Variants in RORA observed in about 807,000 individuals in gnomAD.
The protein encoded by RORA is nuclear receptor ROR-alpha.
A neutral mutation model predicts 69.5 loss-of-function variants in RORA; 7 were observed. The observed-to-expected ratio is 0.10, with a 90% confidence interval of 0.06 to 0.19. The LOEUF (loss-of-function observed/expected upper bound fraction) is 0.19, where lower values mean the gene tolerates loss of function less well. Ranked by LOEUF, RORA falls within the 10% of genes least tolerant of loss-of-function variation. The pLI is 1.00. For missense variants in RORA, 457 were observed against 663.0 expected (o/e 0.69, Z 3.41); for synonymous variants, 261 against 240.8 (o/e 1.08, Z -0.78).
At chr15:60,996,678 AGGTG>A (rs1894549240) in intron 1 of RORA, among the ~76,000 whole-genome samples, 1 of 152,156 alleles carries the variant, frequency 6.6e-6, no homozygotes, top group Non-Finnish European at 1.5e-5. Context: ...TAGGAGGCTG[AGGTG>A]GGTGGATCAC....
At chr15:60,638,672 G>GA (rs1463577456) in intron 2 of RORA, among the ~76,000 whole-genome samples, 1 of 152,038 alleles carries the variant, frequency 6.6e-6, no homozygotes, top group African/African-American at 2.4e-5. Flanking sequence ...ATGAAGTTAT[G>GA]AAAAAACTAC....
At chr15:61,188,472 T>C (rs1365850153) in intron 1 of RORA, among the ~76,000 whole-genome samples, 3 of 152,090 alleles carry the variant, frequency 2.0e-5, no homozygotes, top group Non-Finnish European at 4.4e-5. Flanking sequence ...TCTGCAAAAC[T>C]GGAGGGAATA....
intron 1 of RORA, among the ~76,000 whole-genome samples, chr15:61,135,655 AT>A (rs976970717): frequency 1.3e-5 from 2 of 151,306 alleles, no homozygotes; most frequent in Non-Finnish European, 2.9e-5. Flanking sequence ...GTACATCCTT[AT>A]CCCCCTGCAG....
At chr15:60,604,313 G>A (rs1052868632) in intron 2 of RORA, among the ~76,000 whole-genome samples, 7 of 152,076 alleles carry the variant, frequency 4.6e-5, no homozygotes, top group African/African-American at 1.4e-4. Context: ...GCCAATGACC[G>A]CATACCCAGT....
At chr15:60,829,921 C>T (rs1041868160) in intron 1 of RORA, among the ~76,000 whole-genome samples, 1 of 152,184 alleles carries the variant, frequency 6.6e-6, no homozygotes, top group African/African-American at 2.4e-5. Flanking sequence ...GTGACCTAGG[C>T]TTTACTTAGT....
chr15:61,035,557 G>A (rs547517196), intron 1 of RORA, among the ~76,000 whole-genome samples: 16 of 152,240 alleles, frequency 1.1e-4, no homozygotes, highest in African/African-American at 3.9e-4. Flanking sequence ...GGGAGGTTGT[G>A]GGCCCCTGGG....
chr15:60,696,148 T>C (rs948045538), intron 1 of RORA, among the ~76,000 whole-genome samples: 2 of 152,228 alleles, frequency 1.3e-5, no homozygotes, highest in African/African-American at 4.8e-5. Context: ...GAGCACTTTC[T>C]TTTCCTCACG....
intron 1 of RORA, among the ~76,000 whole-genome samples, chr15:61,225,927 A>G (rs955996725): frequency 2.0e-5 from 3 of 152,098 alleles, no homozygotes; most frequent in African/African-American, 7.2e-5. Flanking sequence ...GAGTGACACC[A>G]GCTATCATTA....
chr15:60,523,266 TTAATG>T (rs2066237720), intron 3 of RORA, among the ~76,000 whole-genome samples: 1 of 152,204 alleles, frequency 6.6e-6, no homozygotes, highest in South Asian at 2.1e-4. Flanking sequence ...TTCTTAGTCA[TTAATG>T]TAAACAAAAT....
intron 2 of RORA, among the ~76,000 whole-genome samples, chr15:60,532,573 C>T (rs16942709): frequency 0.047 from 7,194 of 152,142 alleles, 607 homozygotes; most frequent in African/African-American, 0.17. Context: ...TGCTGGAAGA[C>T]CCGCAAATAA....
At chr15:60,889,461 G>A (rs1189793752) in intron 1 of RORA, among the ~76,000 whole-genome samples, 1 of 152,216 alleles carries the variant, frequency 6.6e-6, no homozygotes, top group Non-Finnish European at 1.5e-5. Flanking sequence ...AGGCTTCACT[G>A]CCTTGCAGAC....
chr15:60,526,021 G>A (rs1331077490), intron 3 of RORA, among the ~76,000 whole-genome samples: 1 of 152,136 alleles, frequency 6.6e-6, no homozygotes, highest in Non-Finnish European at 1.5e-5. Context: ...TAAAATTAAA[G>A]TTGGGTGGGG....
intron 3 of RORA, among the ~76,000 whole-genome samples, chr15:60,515,915 T>A (rs1362596366): frequency 4.0e-5 from 3 of 75,834 alleles, no homozygotes; most frequent in African/African-American, 2.6e-4. Flanking sequence ...TATATTGTAT[T>A]TATATATATA....
intron 1 of RORA, among the ~76,000 whole-genome samples, chr15:60,919,216 T>A (rs1891967422): frequency 1.3e-5 from 2 of 152,274 alleles, no homozygotes; most frequent in African/African-American, 4.8e-5. Flanking sequence ...TCACTGGATA[T>A]CACTGGGCAT....
At chr15:60,724,868 A>G (rs2071337308) in intron 1 of RORA, among the ~76,000 whole-genome samples, 1 of 152,176 alleles carries the variant, frequency 6.6e-6, no homozygotes, top group Non-Finnish European at 1.5e-5. Context: ...CCACCCTCCC[A>G]GAGAGGTGCT....
chr15:61,025,025 C>T (rs191364371), intron 1 of RORA, among the ~76,000 whole-genome samples: 10 of 152,220 alleles, frequency 6.6e-5, no homozygotes, highest in Admixed American at 6.5e-4. Flanking sequence ...GGCAAAAGTG[C>T]CCCAAGGTTT....
In RORA at chr15:60,527,554, AAAC is replaced by A. The variant is rs2066400997; in HGVS notation, c.282+4209_282+4211del. 1.3e-5 allele frequency among the ~76,000 whole-genome samples: 2 copies of A among 152,224 alleles called. 1 individual carries two copies. The highest frequency in any genetic ancestry group is 4.1e-4 in the South Asian group (2 of 4,830). ...CCCTCATCATGCTCACCCAAGGCTG[AAAC>A]TAAATTCTTTTCCAAGAGCTCAGAA... On this transcript the variant is annotated intron_variant, in intron 3 of 10. Coordinates refer to ENST00000335670, the MANE Select transcript of RORA (RefSeq NM_134261.3).
intron 2 of RORA, among the ~76,000 whole-genome samples, chr15:60,632,844 C>A (rs2069767162): frequency 6.6e-6 from 1 of 151,936 alleles, no homozygotes; most frequent in Non-Finnish European, 1.5e-5. Context: ...TTTCCAGAGA[C>A]TGGATTTTGC....
chr15:60,686,581 C>G (rs1260927195), intron 1 of RORA: 2 of 152,198 alleles, frequency 1.3e-5, no homozygotes, highest in African/African-American at 2.4e-5. Context: ...GCTTAGCCTT[C>G]TAGAATTGAG....
Sources: gnomAD v4.1 joint callset for allele counts (sites outside exome capture counted in the v4.1 genomes callset) on GRCh38, gnomAD v4.1.1 for gene constraint, MANE v1.5 for transcripts, NCBI Gene and HGNC (gene_info 2026-07-23, HGNC 2026-07-21) for gene names.